The following MAGI2 variants were observed in gnomAD, a reference collection of about 807,000 sequenced individuals.
MAGI2 encodes the protein membrane-associated guanylate kinase, WW and PDZ domain-containing protein 2.
MAGI2 carries 35 observed loss-of-function variants against 133.3 expected under a neutral mutation model. That is an observed-to-expected ratio of 0.26 (90% CI 0.20 to 0.35). The LOEUF is 0.35. Ranked by LOEUF, MAGI2 falls within the 10% of genes least tolerant of loss-of-function variation. The probability of loss-of-function intolerance (pLI) is 1.00; values close to 1 mark genes in which losing one functional copy is unlikely to be tolerated. For synonymous variants in MAGI2, 729 were observed against 710.6 expected, an observed-to-expected ratio of 1.03 and a Z score of -0.41; for missense variants, 1,636 against 1,863.4, an observed-to-expected ratio of 0.88 and a Z score of 2.25.
chr7:78,073,105 A>T (rs1414025300), intron 21 of MAGI2: 1 of 396,082 alleles, frequency 2.5e-6, no homozygotes, highest in Non-Finnish European at 4.4e-6. Context: ...TTAACTAAAC[A>T]ACTGTTTGAT....
rs553734872 is a variant in MAGI2 at position 78,650,947 on chromosome 7, A to C, written c.419-23708T>G. Among the ~76,000 whole-genome samples, 10 of 152,168 alleles carry C rather than the reference A, an allele frequency of 6.6e-5. No individual in the cohort carries two copies. The East Asian group carries it at 1.7e-3, about 26-fold the overall frequency. ...ACTGCAAAACAGCTCCTCAAAAACT[A>C]TCAAGAAACAGATGCTTTCTCAGTG... On this transcript the variant is annotated intron_variant, in intron 2 of 21. Transcript: ENST00000354212.
intron 6 of MAGI2, among the ~76,000 whole-genome samples, chr7:78,452,560 C>A (rs540238020): frequency 7.2e-5 from 11 of 151,894 alleles, no homozygotes; most frequent in Middle Eastern, 3.4e-3. Flanking sequence ...TAAAAATGTA[C>A]CTTTTTCTGG....
chr7:79,041,758 G>T (rs1811691065), intron 1 of MAGI2, among the ~76,000 whole-genome samples: 1 of 152,070 alleles, frequency 6.6e-6, no homozygotes, highest in Non-Finnish European at 1.5e-5. Flanking sequence ...ATAGGGAAAG[G>T]ATAATCTTTT....
At chr7:78,717,032 G>A (rs1403177290) in intron 2 of MAGI2, among the ~76,000 whole-genome samples, 4 of 152,062 alleles carry the variant, frequency 2.6e-5, no homozygotes, top group African/African-American at 9.7e-5. Context: ...CCCTAACCCA[G>A]TGAATTCCTT....
At chr7:78,773,168 C>T (rs1357733264) in intron 2 of MAGI2, among the ~76,000 whole-genome samples, 1 of 152,148 alleles carries the variant, frequency 6.6e-6, no homozygotes, top group African/African-American at 2.4e-5. Context: ...AGGACAGACA[C>T]ACCTAAGCAT....
chr7:78,900,210 T>C (rs1032428311), intron 2 of MAGI2, among the ~76,000 whole-genome samples: 5 of 152,222 alleles, frequency 3.3e-5, no homozygotes, highest in Non-Finnish European at 5.9e-5. Context: ...TAGTGCTTCC[T>C]GTTTGGACTT....
intron 1 of MAGI2, among the ~76,000 whole-genome samples, chr7:79,177,452 CA>C (rs1826201000): frequency 6.6e-6 from 1 of 152,020 alleles, no homozygotes; most frequent in Admixed American, 6.6e-5. Flanking sequence ...ACATAAGCTA[CA>C]AGTTCTATTT....
At chr7:79,121,382 A>G (rs1218051023) in intron 1 of MAGI2, among the ~76,000 whole-genome samples, 1 of 152,058 alleles carries the variant, frequency 6.6e-6, no homozygotes, top group Non-Finnish European at 1.5e-5. Flanking sequence ...TTCCAGCAGG[A>G]GGTGAATTCA....
intron 10 of MAGI2, among the ~76,000 whole-genome samples, chr7:78,202,579 A>T (rs1829347549): frequency 6.9e-6 from 1 of 145,586 alleles, no homozygotes; most frequent in African/African-American, 2.5e-5. Context: ...GCTACTTGGG[A>T]GGCTGAGGCA....
chr7:79,103,404 G>A (rs1407352902), intron 1 of MAGI2, among the ~76,000 whole-genome samples: 9 of 152,048 alleles, frequency 5.9e-5, no homozygotes, highest in Non-Finnish European at 8.8e-5. Flanking sequence ...GCTCTGGGGT[G>A]TACAGATGAG....
intron 20 of MAGI2, among the ~76,000 whole-genome samples, chr7:78,112,335 T>G (rs1215095638): frequency 6.6e-6 from 1 of 152,226 alleles, no homozygotes; most frequent in East Asian, 1.9e-4. Flanking sequence ...AGTTTACATA[T>G]AAGGGAAACA....
At chr7:78,995,523 C>A (rs1447903327) in intron 2 of MAGI2, among the ~76,000 whole-genome samples, 1 of 152,082 alleles carries the variant, frequency 6.6e-6, no homozygotes, top group Non-Finnish European at 1.5e-5. Context: ...TGAAGCTAGT[C>A]AGTCAATCGA....
chr7:78,184,871 T>C (rs1436741783), intron 13 of MAGI2, among the ~76,000 whole-genome samples: 1 of 152,214 alleles, frequency 6.6e-6, no homozygotes, highest in African/African-American at 2.4e-5. Context: ...TATTTTATAA[T>C]TGGCATGGTT....
chr7:78,957,264 C>CAAAA (rs1187620956), intron 2 of MAGI2, among the ~76,000 whole-genome samples: 44 of 42,454 alleles, frequency 1.0e-3, no homozygotes, highest in South Asian at 3.0e-3. Flanking sequence ...GACTCCATCT[C>CAAAA]AAAAAAAAAA....
intron 2 of MAGI2, among the ~76,000 whole-genome samples, chr7:78,847,297 T>C (rs914610522): frequency 2.0e-5 from 3 of 151,972 alleles, no homozygotes; most frequent in Non-Finnish European, 2.9e-5. Flanking sequence ...GACATTATAG[T>C]TTAAGAAGAC....
intron 1 of MAGI2, among the ~76,000 whole-genome samples, chr7:79,446,947 G>A (rs972332979): frequency 5.9e-5 from 9 of 151,364 alleles, no homozygotes; most frequent in Non-Finnish European, 7.4e-5. Context: ...GCGAGACTCC[G>A]TCTCAAAAAA....
rs1787835092 is a variant in MAGI2, at chr7:78,798,863, G to T, written c.419-171624C>A. Reference sequence around the variant, plus strand: ...CAGTTTGTACAAAATCCTCAGGCTGGAAATGTATATCATGGCCTAGCAGGT... The same window carrying T: ...CAGTTTGTACAAAATCCTCAGGCTGTAAATGTATATCATGGCCTAGCAGGT... On this transcript the variant is annotated intron_variant, in intron 2 of 21. Transcript: ENST00000354212. Among the ~76,000 whole-genome samples the T allele has an allele frequency of 2.0e-5, 3 of 152,140 alleles. No individual in the cohort carries two copies. In the South Asian group the frequency reaches 6.2e-4, roughly 32 times the overall value.
intron 1 of MAGI2, among the ~76,000 whole-genome samples, chr7:79,337,150 A>G (rs1840494519): frequency 6.6e-6 from 1 of 152,178 alleles, no homozygotes; most frequent in African/African-American, 2.4e-5. Context: ...TGAAATTGAA[A>G]ACAGAAGTCT....
At chr7:78,782,784 A>G (rs780629508) in intron 2 of MAGI2, among the ~76,000 whole-genome samples, 10 of 152,096 alleles carry the variant, frequency 6.6e-5, no homozygotes, top group Non-Finnish European at 1.0e-4. Flanking sequence ...CTTTTTTGTA[A>G]ACTTTGACAG....
Sources: gnomAD v4.1 joint callset for allele counts (sites outside exome capture counted in the v4.1 genomes callset) on GRCh38, gnomAD v4.1.1 for gene constraint, MANE v1.5 for transcripts, NCBI Gene and HGNC (gene_info 2026-07-23, HGNC 2026-07-21) for gene names.